Variants in GNPAT observed in about 807,000 individuals in gnomAD.
GNPAT encodes dihydroxyacetone phosphate acyltransferase.
Under a neutral mutation model 78.4 loss-of-function variants are expected in GNPAT, and 30 were observed. The ratio of observed to expected loss-of-function variants is 0.38; its 90% CI spans 0.29 to 0.52. The LOEUF (loss-of-function observed/expected upper bound fraction) is 0.52. Among genes scored for constraint, GNPAT ranks in the 20% least tolerant of loss-of-function variants. GNPAT has a pLI of 0.84. For synonymous variants in GNPAT, 271 were observed against 281.1 expected (o/e 0.96, Z 0.36); for missense variants, 714 against 812.2 (o/e 0.88, Z 1.47).
chr1:231,254,065 G>A (rs1003375678), intron 2 of GNPAT, among the ~76,000 whole-genome samples: 3 of 152,086 alleles, frequency 2.0e-5, no homozygotes, highest in Non-Finnish European at 2.9e-5. Flanking sequence ...CGCCCACCTC[G>A]GCCTCCCAAA....
intron 2 of GNPAT, among the ~76,000 whole-genome samples, chr1:231,255,695 A>G (rs148898797): frequency 2.0e-5 from 3 of 152,148 alleles, no homozygotes; most frequent in Non-Finnish European, 2.9e-5. Context: ...TTGGCCTCCT[A>G]AAGTGCTGGG....
At position 231,277,591 on chromosome 1, in the gene GNPAT, GA is replaced by G; in HGVS notation, c.*51del. Reference sequence around the variant, plus strand: ...ATTCGGTCACGTAATTACTCTCATCGAAGGACTCATTACAACAAACAGGGAA... The same window carrying G: ...ATTCGGTCACGTAATTACTCTCATCGAGGACTCATTACAACAAACAGGGAA... On this transcript the variant is annotated 3_prime_UTR_variant, in exon 16 of 16. Transcript: ENST00000366647. 9.5e-7 allele frequency: 1 copy of G among 1,055,322 alleles called. No individual in the cohort carries two copies. The highest frequency in any genetic ancestry group is 1.5e-6 in the Non-Finnish European group (1 of 669,600). The allele number at this position is 1,055,322 out of a possible 1,614,324, so 65.4% of individuals were successfully genotyped here.
rs1283611600 is a variant in GNPAT, at chr1:231,275,498, T to C, written c.1937T>C (p.Ile646Thr). 2 of 1,543,184 alleles carry C rather than the reference T, an allele frequency of 1.3e-6. No individual in the cohort carries two copies. The highest frequency in any genetic ancestry group is 2.7e-5 in the African/African-American group (2 of 73,588). The change falls in exon 14 of 16, where the codon ATA becomes ACA. Residue 646 changes from isoleucine to threonine, a missense_variant and splice_region_variant. By Grantham distance (89) the Ile-to-Thr change is moderately conservative. Transcript: ENST00000366647. ...VRLGVVEKKK[I>T]NNNCIFNVNE... ...CTCGGAGTAGTGGAGAAGAAGAAGA[T>C]GTAAGTACTGTACAAGATCCCATGA...
At chr1:231,269,436 A>G (rs1296194876) in intron 9 of GNPAT, among the ~76,000 whole-genome samples, 3 of 152,316 alleles carry the variant, frequency 2.0e-5, no homozygotes, top group South Asian at 2.1e-4. Flanking sequence ...GACTGGAGGT[A>G]TAGAAACAAG....
rs113803456 is a variant in GNPAT at position 231,251,029 on chromosome 1, A to G, written c.147A>G (p.Lys49=). 6.2e-7 allele frequency: 1 copy of G among 1,608,354 alleles called. No individual in the cohort carries two copies. Among genetic ancestry groups the G allele is most frequent in the African/African-American group, 1.3e-5 (1 of 74,952 alleles). ...AGAGGAGGCATGTCAGTGACTTGAA[A>G]TTTGCAATGAAATGCTACACACCTC... ...LEERRHVSDL[K]FAMKCYTPLV... The change falls in exon 2 of 16, where the codon AAA becomes AAG. Residue 49 remains lysine (K), a synonymous_variant. Coordinates refer to ENST00000366647, the MANE Select transcript of GNPAT (RefSeq NM_014236.4).
intron 2 of GNPAT, among the ~76,000 whole-genome samples, chr1:231,255,231 T>A (rs1685015283): frequency 6.6e-6 from 1 of 152,172 alleles, no homozygotes; most frequent in African/African-American, 2.4e-5. Context: ...TCCCTCATCC[T>A]CAGGAACTTT....
intron 4 of GNPAT, among the ~76,000 whole-genome samples, chr1:231,263,633 TGTG>T (rs1455504160): frequency 2.0e-5 from 3 of 152,188 alleles, no homozygotes; most frequent in South Asian, 2.1e-4. Flanking sequence ...TGCTGGGTCT[TGTG>T]GTAATTTTTT....
At chr1:231,262,115 A>G (rs1685237372) in intron 3 of GNPAT, among the ~76,000 whole-genome samples, 1 of 152,238 alleles carries the variant, frequency 6.6e-6, no homozygotes, top group African/African-American at 2.4e-5. Flanking sequence ...TGGAAACTCA[A>G]ATTATCCCTC....
intron 11 of GNPAT, 137 bp downstream of exon 11, chr1:231,272,528 T>C: frequency 1.5e-6 from 1 of 669,930 alleles, no homozygotes; most frequent in Non-Finnish European, 2.8e-6. Flanking sequence ...CAAGAGAAAC[T>C]GGGGCGCTCA....
rs368688523 is a variant in GNPAT at position 231,266,152 on chromosome 1, A to C, written c.911A>C (p.Lys304Thr). Residue 304 changes from lysine to threonine, a missense_variant, in exon 7 of 16, where the codon AAA (lysine) becomes ACA (threonine). By Grantham distance (78) the Lys-to-Thr change is moderately conservative. Transcript: ENST00000366647. The stretch of plus-strand genomic sequence containing the variant: ...GAGCTTCTAGGGGTTCCTAAACCAA[A>C]AGAGTCTACAACTGTACGTGAGCTT... ...VYELLGVPKP[K>T]ESTTGLLKAR... 11 of 1,613,472 alleles carry C rather than the reference A, an allele frequency of 6.8e-6. No homozygotes were observed. The highest frequency in any genetic ancestry group is 1.3e-5 in the African/African-American group (1 of 74,912).
chr1:231,265,348 C>G lies in GNPAT; in HGVS notation c.624C>G (p.Phe208Leu). 1 of 1,611,036 alleles carries G rather than the reference C, an allele frequency of 6.2e-7. No individual in the cohort carries two copies. Among genetic ancestry groups the G allele is most frequent in the Non-Finnish European group, 8.5e-7 (1 of 1,177,184 alleles). Reference protein sequence around the residue: ...GELLRMSGAFFMRRTFGGNKL... With the variant: ...GELLRMSGAFLMRRTFGGNKL... ...TGCTACGAATGTCGGGTGCCTTTTTCATGCGGCGTACCTTTGGTGGCAATA... is the reference window on the plus strand; with the variant it reads ...TGCTACGAATGTCGGGTGCCTTTTTGATGCGGCGTACCTTTGGTGGCAATA... The change falls in exon 5 of 16, where the codon TTC becomes TTG. Residue 208 changes from phenylalanine (F) to leucine (L), a missense_variant. Transcript: ENST00000366647.
chr1:231,259,049 CTCAT>C (rs1419937802), intron 2 of GNPAT, among the ~76,000 whole-genome samples: 1 of 152,108 alleles, frequency 6.6e-6, no homozygotes, highest in Admixed American at 6.5e-5. Flanking sequence ...CCCTTTACTT[CTCAT>C]TCAAACTTTC....
intron 1 of GNPAT, among the ~76,000 whole-genome samples, chr1:231,246,105 G>A (rs1302516425): frequency 2.6e-5 from 4 of 151,800 alleles, no homozygotes; most frequent in East Asian, 1.9e-4. Flanking sequence ...TTTGTCTATC[G>A]TGCTGGAAGG....
chr1:231,270,390 C>G (rs1288879386), intron 9 of GNPAT, among the ~76,000 whole-genome samples: 5 of 152,034 alleles, frequency 3.3e-5, no homozygotes, highest in Admixed American at 1.3e-4. Context: ...TCTTACATTC[C>G]CGTGCATGTG....
chr1:231,263,591 T>A (rs1316996550), intron 4 of GNPAT, among the ~76,000 whole-genome samples: 2 of 152,176 alleles, frequency 1.3e-5, no homozygotes, highest in African/African-American at 4.8e-5. Context: ...TTCCATTTTT[T>A]TATATATATA....
chr1:231,274,477 G>A (rs1685655328), intron 12 of GNPAT, among the ~76,000 whole-genome samples: 1 of 152,188 alleles, frequency 6.6e-6, no homozygotes, highest in Non-Finnish European at 1.5e-5. Flanking sequence ...ATTACCAGAT[G>A]TTTATGTTGG....
At chr1:231,264,255 TGA>T (rs1290208904) in intron 4 of GNPAT, among the ~76,000 whole-genome samples, 2 of 152,220 alleles carry the variant, frequency 1.3e-5, no homozygotes, top group East Asian at 3.8e-4. Context: ...TTTGGTTTTT[TGA>T]GTTAATTTTT....
chr1:231,265,160 C>A (rs1214826028), intron 4 of GNPAT, 133 bp from the exon 5 acceptor site: 1 of 739,140 alleles, frequency 1.4e-6, no homozygotes, highest in Non-Finnish European at 2.3e-6. Context: ...TTGTGACCAA[C>A]CTAGCCAACA....
chr1:231,260,739 CAAAA>C (rs374321620), intron 3 of GNPAT, 56 bp downstream of exon 3: 6 of 864,962 alleles, frequency 6.9e-6, no homozygotes, highest in Non-Finnish European at 1.0e-5. Context: ...TAAAATTAAA[CAAAA>C]AAAAAAACAG....
Sources: gnomAD v4.1 joint callset for allele counts (sites outside exome capture counted in the v4.1 genomes callset) on GRCh38, gnomAD v4.1.1 for gene constraint, MANE v1.5 for transcripts, NCBI Gene and HGNC (gene_info 2026-07-23, HGNC 2026-07-21) for gene names.